Variants in COPS3 observed in about 807,000 individuals in gnomAD.
The protein encoded by COPS3 is COP9 signalosome complex subunit 3.
In COPS3, 10 loss-of-function variants were observed where a neutral mutation model predicts 58.2. The observed-to-expected ratio is 0.17, with a 90% CI of 0.11 to 0.29. The LOEUF is 0.29. Ranked by LOEUF, COPS3 falls within the 10% of genes least tolerant of loss-of-function variation. The pLI is 1.00. For missense variants in COPS3, 333 were observed against 510.1 expected (o/e 0.65, Z 3.34); for synonymous variants, 187 against 181.7 (o/e 1.03, Z -0.24).
At chr17:17,278,304 A>G (rs1465878817) in intron 1 of COPS3, among the ~76,000 whole-genome samples, 1 of 152,220 alleles carries the variant, frequency 6.6e-6, no homozygotes, top group Non-Finnish European at 1.5e-5. Context: ...CAAGTTTCCA[A>G]CTTCTCTATT....
At chr17:17,251,759 A>G (rs2047848915) in intron 9 of COPS3, among the ~76,000 whole-genome samples, 1 of 152,174 alleles carries the variant, frequency 6.6e-6, no homozygotes. Flanking sequence ...CATCAAACTC[A>G]GAAACAAACA....
chr17:17,280,273 G>A (rs2048546577), intron 1 of COPS3, among the ~76,000 whole-genome samples: 1 of 152,056 alleles, frequency 6.6e-6, no homozygotes, highest in Non-Finnish European at 1.5e-5. Flanking sequence ...TAGCCGGGCA[G>A]GCGCCTGTAA....
At chr17:17,260,513 T>G (rs184775264) in intron 7 of COPS3, 39 bp from the exon 8 acceptor site, 4 of 1,604,470 alleles carry the variant, frequency 2.5e-6, no homozygotes, top group Non-Finnish European at 3.4e-6. Flanking sequence ...AGATTAAAAC[T>G]TCAGAAGAGG....
intron 9 of COPS3, 123 bp downstream of exon 9, chr17:17,254,736 G>T (rs2047924007): frequency 1.8e-6 from 1 of 549,622 alleles, no homozygotes; most frequent in Admixed American, 3.4e-5. Flanking sequence ...CTTGAATCCG[G>T]GAGGTGGAGG....
chr17:17,261,332 C>T (rs1420479603), intron 7 of COPS3, among the ~76,000 whole-genome samples: 1 of 151,632 alleles, frequency 6.6e-6, no homozygotes, highest in African/African-American at 2.4e-5. Flanking sequence ...CGAGACAATC[C>T]TGGCTAACAC....
In COPS3 at chr17:17,247,558, C is replaced by G; in HGVS notation, c.1140G>C (p.Met380Ile). The change falls in exon 11 of 12, where the codon ATG becomes ATC. Residue 380 changes from methionine to isoleucine, a missense_variant and splice_region_variant. Coordinates refer to ENST00000268717, the MANE Select transcript of COPS3 (RefSeq NM_003653.4). ...GCTCATCCAGCTCAATGCACTTCAG[C>G]ATCTGCATGACAGGCACATTAGAAG... Reference protein sequence around the residue: ...PAMLHNIDQEMLKCIELDERL... With the variant: ...PAMLHNIDQEILKCIELDERL... The G allele has an allele frequency of 6.2e-7, 1 of 1,614,182 alleles. No individual in the cohort carries two copies.
At chr17:17,268,784 A>G (rs903394657) in intron 4 of COPS3, among the ~76,000 whole-genome samples, 4 of 151,710 alleles carry the variant, frequency 2.6e-5, no homozygotes, top group Non-Finnish European at 4.4e-5. Context: ...GCGCCACTGC[A>G]CTCCAGCCTG....
chr17:17,249,314 C>A (rs1444088884), intron 9 of COPS3, among the ~76,000 whole-genome samples: 3 of 151,498 alleles, frequency 2.0e-5, no homozygotes, highest in African/African-American at 7.3e-5. Context: ...CATAATTAAC[C>A]ATTTTATTTA....
intron 1 of COPS3, among the ~76,000 whole-genome samples, chr17:17,277,563 G>A (rs2048486653): frequency 6.6e-6 from 1 of 151,720 alleles, no homozygotes; most frequent in Admixed American, 6.6e-5. Context: ...AACTACAGGT[G>A]TACGTCACCA....
intron 9 of COPS3, among the ~76,000 whole-genome samples, chr17:17,252,362 A>T (rs1736201): frequency 0.57 from 54,588 of 95,046 alleles, 17,623 homozygotes; most frequent in East Asian, 0.76. Flanking sequence ...TGGGCTGTCC[A>T]GGGTACAGAT....
chr17:17,277,002 A>G (rs78954673), intron 1 of COPS3, among the ~76,000 whole-genome samples: 2 of 152,224 alleles, frequency 1.3e-5, no homozygotes, highest in East Asian at 3.9e-4. Context: ...GGTCCCTGCT[A>G]CCTTTCCAGC....
intron 6 of COPS3, 136 bp downstream of exon 6, chr17:17,264,666 A>G (rs2048182012): frequency 3.1e-6 from 2 of 655,578 alleles, no homozygotes; most frequent in East Asian, 5.5e-5. Context: ...ACATGATCAC[A>G]GAGAAGTAGT....
intron 6 of COPS3, among the ~76,000 whole-genome samples, chr17:17,263,273 G>A (rs2145220729): frequency 7.5e-6 from 1 of 133,912 alleles, no homozygotes; most frequent in East Asian, 2.5e-4. Context: ...GGGCGACAGA[G>A]CAAGACTCCA....
chr17:17,250,693 A>G (rs2145187414), intron 9 of COPS3, among the ~76,000 whole-genome samples: 1 of 152,348 alleles, frequency 6.6e-6, no homozygotes, highest in East Asian at 1.9e-4. Context: ...ATAAAAGTAC[A>G]AAACAGGTAT....
chr17:17,274,257 C>T (rs1257328473), intron 2 of COPS3, among the ~76,000 whole-genome samples: 2 of 151,962 alleles, frequency 1.3e-5, no homozygotes, highest in African/African-American at 4.8e-5. Context: ...AACTGGCAGT[C>T]GCAATGCCTC....
chr17:17,266,019 G>A (rs2048214004), intron 5 of COPS3, among the ~76,000 whole-genome samples: 1 of 152,178 alleles, frequency 6.6e-6, no homozygotes, highest in Non-Finnish European at 1.5e-5. Flanking sequence ...CAAACTCACT[G>A]AGCTATACAC....
At chr17:17,250,834 A>G (rs1438805969) in intron 9 of COPS3, among the ~76,000 whole-genome samples, 1 of 152,232 alleles carries the variant, frequency 6.6e-6, no homozygotes, top group Non-Finnish European at 1.5e-5. Flanking sequence ...CCAGCCCAAT[A>G]CATATTATAC....
In COPS3 at chr17:17,271,844, A is replaced by ATC. The variant is rs1312253058; in HGVS notation, c.186-837_186-836insGA. On this transcript the variant is annotated intron_variant, in intron 2 of 11. Coordinates refer to ENST00000268717, the MANE Select transcript of COPS3 (RefSeq NM_003653.4). ...AAAAAAAAAATCTATATATATCTAT[A>ATC]TATATATATATATACACACATACAC... 1.1e-3 allele frequency among the ~76,000 whole-genome samples: 156 copies of ATC among 142,090 alleles called. 2 individuals are homozygous for ATC. The highest frequency in any genetic ancestry group is 5.3e-3 in the East Asian group (27 of 5,092). 93.2% of individuals were successfully genotyped at this position (142,090 alleles called of 152,430 possible).
At chr17:17,280,479 G>A in intron 1 of COPS3, 1 of 1,027,958 alleles carries the variant, frequency 9.7e-7, no homozygotes, top group Admixed American at 3.9e-5. Context: ...AGAATCGCTT[G>A]AAGCCGGGAG....
Sources: gnomAD v4.1 joint callset for allele counts (sites outside exome capture counted in the v4.1 genomes callset) on GRCh38, gnomAD v4.1.1 for gene constraint, MANE v1.5 for transcripts, NCBI Gene and HGNC (gene_info 2026-07-23, HGNC 2026-07-21) for gene names.